Variants in ITGA8 observed in about 807,000 individuals in gnomAD.
ITGA8 encodes integrin alpha-8.
Under a neutral mutation model 142.3 loss-of-function variants are expected in ITGA8, and 91 were observed. That is an observed-to-expected ratio of 0.64 (90% CI 0.54 to 0.76). The LOEUF (loss-of-function observed/expected upper bound fraction) is 0.76. Among genes scored for constraint, ITGA8 ranks in the 30% least tolerant of loss-of-function variants. ITGA8 has a pLI of 0.00. For missense variants in ITGA8, 1,406 were observed against 1,327.7 expected (o/e 1.06, Z -0.92); for synonymous variants, 505 against 485.2 (o/e 1.04, Z -0.54).
intron 13 of ITGA8, among the ~76,000 whole-genome samples, chr10:15,626,940 T>C (rs1833594778): frequency 6.6e-6 from 1 of 152,174 alleles, no homozygotes; most frequent in South Asian, 2.1e-4. Context: ...AGCCTTGCGA[T>C]TGACGGAGTT....
intron 27 of ITGA8, among the ~76,000 whole-genome samples, chr10:15,538,094 G>A (rs1334531669): frequency 6.6e-6 from 1 of 152,144 alleles, no homozygotes; most frequent in Non-Finnish European, 1.5e-5. Flanking sequence ...TTGCACCACT[G>A]CACTTCAACA....
chr10:15,583,006 G>A lies in ITGA8; in HGVS notation c.2372+3578C>T, dbSNP rs552931853. ...AGCTCAAACTGGAGACAATTCAAATGTTCACCAATGAGTGAATGGATGAAC... is the reference window on the plus strand; with the variant it reads ...AGCTCAAACTGGAGACAATTCAAATATTCACCAATGAGTGAATGGATGAAC... On this transcript the variant is annotated intron_variant, in intron 23 of 29. Transcript: ENST00000378076. 2.0e-5 allele frequency among the ~76,000 whole-genome samples: 3 copies of A among 152,324 alleles called. No homozygotes were observed. In the East Asian group the frequency reaches 5.8e-4, roughly 29 times the overall value.
intron 25 of ITGA8, among the ~76,000 whole-genome samples, chr10:15,563,310 G>C (rs1418597495): frequency 6.6e-6 from 1 of 152,206 alleles, no homozygotes; most frequent in Admixed American, 6.5e-5. Context: ...TGATAGAACA[G>C]TTTTGATGGT....
chr10:15,540,897 G>A (rs1001183798), intron 27 of ITGA8, among the ~76,000 whole-genome samples: 5 of 152,124 alleles, frequency 3.3e-5, no homozygotes, highest in Non-Finnish European at 7.4e-5. Flanking sequence ...AGACACTCCC[G>A]CCAGCACCAT....
rs1029547345 is a variant in ITGA8, at chr10:15,516,146, C to G, written c.*1012G>C. On this transcript the variant is annotated 3_prime_UTR_variant, in exon 30 of 30. Transcript: ENST00000378076. ...ATAGATATTAAAAATAATGTTTACC[C>G]ATAATGTTAAATTGCTTTTTAATTA... 6.6e-6 allele frequency: 1 copy of G among 152,052 alleles called. No homozygotes were observed. Among genetic ancestry groups the G allele is most frequent in the Non-Finnish European group, 1.5e-5 (1 of 68,024 alleles). The allele number at this position is 152,052 out of a possible 1,614,324, so 9.4% of individuals were successfully genotyped here. A position where few individuals can be genotyped will look rare whatever the true frequency, so the allele number is the denominator to read the frequency against.
At chr10:15,663,489 T>C (rs1834327942) in intron 8 of ITGA8, among the ~76,000 whole-genome samples, 2 of 152,226 alleles carry the variant, frequency 1.3e-5, no homozygotes, top group Admixed American at 6.5e-5. Flanking sequence ...TTCTACCATC[T>C]TTCCCTACAA....
chr10:15,685,508 T>G (rs1834818602), intron 3 of ITGA8, among the ~76,000 whole-genome samples: 1 of 152,228 alleles, frequency 6.6e-6, no homozygotes, highest in African/African-American at 2.4e-5. Flanking sequence ...TTGAATTAAA[T>G]GCATGCCTAT....
chr10:15,703,777 G>A (rs1275339005), intron 2 of ITGA8, among the ~76,000 whole-genome samples: 2 of 152,076 alleles, frequency 1.3e-5, no homozygotes, highest in African/African-American at 4.8e-5. Context: ...ACATAGGCAT[G>A]CTCAAACACA....
rs528767934 is a variant in ITGA8 at position 15,719,641 on chromosome 10, T to C, written c.131A>G (p.Glu44Gly). 2 of 1,534,990 alleles carry C rather than the reference T, an allele frequency of 1.3e-6. No individual in the cohort carries two copies. The highest frequency in any genetic ancestry group is 5.3e-5 in the East Asian group (2 of 37,494). ...GGGGCCGCTGTACACTGTGAGCTTT[T>C]CCACGTCCAGGTTGAACGCCTGACA... ...PACQAFNLDV[E>G]KLTVYSGPKG... Residue 44 changes from glutamate to glycine, a missense_variant, in exon 1 of 30, where the codon GAA (glutamate) becomes GGA (glycine). Transcript: ENST00000378076.
In ITGA8 at chr10:15,718,797, C is replaced by A. The variant is rs143130734; in HGVS notation, c.312G>T (p.Ala104=). The part of the protein sequence containing the change: ...YYCPWPAEGS[A]QCRQIPFDTT... ...TGTCAAACGGTATCTGCCTGCACTG[C>A]GCAGACCCCTCCGCGGGCCAAGGAC... is the stretch of plus-strand genomic sequence containing the variant. The change falls in exon 2 of 30, where the codon GCG becomes GCT. Residue 104 remains alanine, a synonymous_variant. Transcript: ENST00000378076. 9 of 1,614,056 alleles carry A rather than the reference C, an allele frequency of 5.6e-6. No homozygotes were observed. Among genetic ancestry groups the A allele is most frequent in the Non-Finnish European group, 7.6e-6 (9 of 1,180,044 alleles).
intron 2 of ITGA8, among the ~76,000 whole-genome samples, chr10:15,709,023 C>T (rs887067859): frequency 6.6e-6 from 1 of 152,164 alleles, no homozygotes; most frequent in South Asian, 2.1e-4. Context: ...GCTTTGACCT[C>T]ATAAATGTGA....
chr10:15,687,550 A>G (rs1834854352), intron 3 of ITGA8, among the ~76,000 whole-genome samples: 1 of 152,206 alleles, frequency 6.6e-6, no homozygotes, highest in Admixed American at 6.5e-5. Context: ...TGTAAAAAGG[A>G]TCAATGAAAC....
At chr10:15,533,036 C>T (rs550976558) in intron 27 of ITGA8, among the ~76,000 whole-genome samples, 4 of 152,160 alleles carry the variant, frequency 2.6e-5, no homozygotes, top group East Asian at 1.9e-4. Context: ...TGTTACGGAT[C>T]GGGGCTCTTT....
chr10:15,705,354 T>C (rs1835238537), intron 2 of ITGA8, among the ~76,000 whole-genome samples: 1 of 152,224 alleles, frequency 6.6e-6, no homozygotes, highest in Non-Finnish European at 1.5e-5. Context: ...ATGCAAGCAA[T>C]GAGAAAAGAT....
intron 13 of ITGA8, among the ~76,000 whole-genome samples, chr10:15,620,418 A>G (rs192770327): frequency 1.3e-5 from 2 of 152,322 alleles, no homozygotes; most frequent in Admixed American, 1.3e-4. Flanking sequence ...CACCCTCCCA[A>G]CGGTAATGAG....
At chr10:15,617,399 G>GTT (rs11448806) in intron 13 of ITGA8, among the ~76,000 whole-genome samples, 383 of 147,778 alleles carry the variant, frequency 2.6e-3, no homozygotes, top group South Asian at 5.6e-3. Flanking sequence ...CAAACTGTCT[G>GTT]TTTTTTTTTT....
intron 8 of ITGA8, among the ~76,000 whole-genome samples, chr10:15,661,696 G>A (rs768043350): frequency 6.6e-6 from 1 of 152,066 alleles, no homozygotes; most frequent in East Asian, 1.9e-4. Context: ...TTCTGGTTCC[G>A]TCTCAGAGTC....
chr10:15,519,294 C>T lies in ITGA8; in HGVS notation c.3101G>A (p.Trp1034Ter), dbSNP rs1406485291. The change falls in exon 29 of 30, where the codon TGG (tryptophan) becomes TAG (stop). Residue 1034 changes from tryptophan to a stop codon, truncating the protein, a stop_gained. Coordinates refer to ENST00000378076, the MANE Select transcript of ITGA8 (RefSeq NM_003638.3). LOFTEE classifies it high-confidence loss of function. Reference protein sequence around the residue: ...LVLAILTLALWKCGFFDRARP... With the variant: ...LVLAILTLAL ...AAACAAAGTAAATCAACTTACCTTC[C>T]ATAAAGCTAAGGTTAAAATGGCGAG... 6.2e-7 allele frequency: 1 copy of T among 1,613,456 alleles called. No individual in the cohort carries two copies. The highest frequency in any genetic ancestry group is 8.5e-7 in the Non-Finnish European group (1 of 1,179,812).
At chr10:15,566,257 C>T (rs1193077527) in intron 25 of ITGA8, among the ~76,000 whole-genome samples, 3 of 152,120 alleles carry the variant, frequency 2.0e-5, no homozygotes, top group Non-Finnish European at 2.9e-5. Flanking sequence ...CTCCAGCTTT[C>T]CACGGCTCTC....
Sources: gnomAD v4.1 joint callset for allele counts (sites outside exome capture counted in the v4.1 genomes callset) on GRCh38, gnomAD v4.1.1 for gene constraint, MANE v1.5 for transcripts, NCBI Gene and HGNC (gene_info 2026-07-23, HGNC 2026-07-21) for gene names.